The following SLC4A5 variants were observed in gnomAD, a reference collection of about 807,000 sequenced individuals.
SLC4A5 encodes the protein electrogenic sodium bicarbonate cotransporter 4.
A neutral mutation model predicts 120.4 loss-of-function variants in SLC4A5; 96 were observed. The observed-to-expected ratio is 0.80, with a 90% CI of 0.68 to 0.94. The LOEUF is 0.94. SLC4A5 is among the 40% of genes least tolerant of loss of function. The pLI is 0.00. For missense variants in SLC4A5, 1,259 were observed against 1,459.5 expected (o/e 0.86, Z 2.24); for synonymous variants, 550 against 571.1 (o/e 0.96, Z 0.53).
chr2:74,220,264 CATT>C lies in SLC4A5; in HGVS notation c.*33+1167_*33+1169del, dbSNP rs528720018. 1.2e-4 allele frequency among the ~76,000 whole-genome samples: 18 copies of C among 152,236 alleles called. No individual in the cohort carries two copies. The East Asian group carries it at 3.5e-3, about 29-fold the overall frequency. ...GGTGGCTTCTCATGAAGAACAATCA[CATT>C]GTTGGCATGGGGGCTCCTGGCAACT... is the stretch of plus-strand genomic sequence containing the variant. On this transcript the variant is annotated intron_variant, in intron 30 of 30. Coordinates refer to ENST00000394019, the Ensembl canonical transcript of SLC4A5.
At chr2:74,253,389 CT>C (rs1281639252) in intron 14 of SLC4A5, among the ~76,000 whole-genome samples, 1 of 152,194 alleles carries the variant, frequency 6.6e-6, no homozygotes, top group African/African-American at 2.4e-5. Context: ...GGTTAAGTTA[CT>C]TAACCTTTCT....
chr2:74,328,012 G>A (rs1184944951), intron 5 of SLC4A5, 108 bp downstream of exon 5: 1 of 452,884 alleles, frequency 2.2e-6, no homozygotes, highest in Non-Finnish European at 2.9e-6. Context: ...CCTCTTCAGT[G>A]TGTGTGAAGC....
At chr2:74,257,142 G>C (rs967517433) in intron 12 of SLC4A5, among the ~76,000 whole-genome samples, 1 of 151,980 alleles carries the variant, frequency 6.6e-6, no homozygotes, top group African/African-American at 2.4e-5. Context: ...TTCCCAATTC[G>C]ACTCATGTGG....
At chr2:74,270,475 C>T (rs920277598) in intron 8 of SLC4A5, among the ~76,000 whole-genome samples, 5 of 152,278 alleles carry the variant, frequency 3.3e-5, no homozygotes, top group African/African-American at 1.2e-4. Flanking sequence ...AGATCGAGAC[C>T]ATCCTGGCTA....
intron 7 of SLC4A5, among the ~76,000 whole-genome samples, chr2:74,299,244 G>A (rs1390873849): frequency 2.0e-5 from 3 of 152,092 alleles, no homozygotes; most frequent in African/African-American, 4.8e-5. Flanking sequence ...CCAGATACTC[G>A]GGAGGCTGAG....
intron 29 of SLC4A5, 72 bp downstream of exon 29, chr2:74,222,796 G>T: frequency 7.4e-7 from 1 of 1,343,894 alleles, no homozygotes; most frequent in Non-Finnish European, 1.1e-6. Context: ...CTGAGTTACA[G>T]ATGAAAGTTC....
intron 12 of SLC4A5, among the ~76,000 whole-genome samples, chr2:74,256,894 C>T (rs899081123): frequency 2.0e-5 from 3 of 152,144 alleles, no homozygotes; most frequent in Non-Finnish European, 4.4e-5. Context: ...AGTCCACAGT[C>T]GCTGACACAG....
intron 28 of SLC4A5, among the ~76,000 whole-genome samples, chr2:74,224,613 C>G (rs561836806): frequency 6.6e-6 from 1 of 152,180 alleles, no homozygotes; most frequent in African/African-American, 2.4e-5. Flanking sequence ...TCACCTTTTC[C>G]CTGGACAGGG....
At chr2:74,289,276 G>A (rs1303756044) in intron 7 of SLC4A5, among the ~76,000 whole-genome samples, 4 of 152,094 alleles carry the variant, frequency 2.6e-5, no homozygotes, top group African/African-American at 9.6e-5. Flanking sequence ...CAGAACTCAT[G>A]GACTCATGTA....
intron 30 of SLC4A5, 120 bp downstream of exon 30, chr2:74,221,314 G>A: frequency 1.5e-6 from 1 of 666,008 alleles, no homozygotes; most frequent in South Asian, 2.2e-5. Flanking sequence ...CCCAGTTGGG[G>A]GCCAGCAAGG....
At chr2:74,254,341 T>C (rs1187832820) in intron 14 of SLC4A5, among the ~76,000 whole-genome samples, 2 of 152,210 alleles carry the variant, frequency 1.3e-5, no homozygotes, top group African/African-American at 4.8e-5. Flanking sequence ...CTGCTCCTCC[T>C]TAGCTTTAAA....
At chr2:74,252,143 G>C in intron 16 of SLC4A5, 36 bp downstream of exon 16, 6 of 1,602,570 alleles carry the variant, frequency 3.7e-6, no homozygotes, top group Non-Finnish European at 5.1e-6. Flanking sequence ...GAAGTCTAAA[G>C]GACAGCAGGG....
intron 8 of SLC4A5, among the ~76,000 whole-genome samples, chr2:74,276,196 G>C (rs1671633888): frequency 6.6e-6 from 1 of 152,156 alleles, no homozygotes; most frequent in Non-Finnish European, 1.5e-5. Flanking sequence ...GGAAATAAAA[G>C]GACAGGGGAA....
intron 25 of SLC4A5, among the ~76,000 whole-genome samples, chr2:74,228,925 C>A (rs962977235): frequency 1.3e-5 from 2 of 152,112 alleles, no homozygotes; most frequent in African/African-American, 4.8e-5. Flanking sequence ...TCTCTCTCAG[C>A]TGTTTCTGCC....
At chr2:74,253,903 A>G (rs2103998771) in intron 14 of SLC4A5, among the ~76,000 whole-genome samples, 1 of 152,360 alleles carries the variant, frequency 6.6e-6, no homozygotes, top group South Asian at 2.1e-4. Context: ...ATTGAGAGTT[A>G]GTGTATTTTG....
At chr2:74,325,368 A>G (rs1673194513) in intron 5 of SLC4A5, among the ~76,000 whole-genome samples, 1 of 152,238 alleles carries the variant, frequency 6.6e-6, no homozygotes, top group African/African-American at 2.4e-5. Flanking sequence ...TGGACTAGCT[A>G]AGACCATTCC....
At chr2:74,226,374 T>C (rs1174024613) in intron 27 of SLC4A5, among the ~76,000 whole-genome samples, 4 of 152,198 alleles carry the variant, frequency 2.6e-5, no homozygotes, top group African/African-American at 9.7e-5. Context: ...ATGCAACATG[T>C]TGTTGGCTTT....
At chr2:74,232,495 C>T in exon 24 of SLC4A5, 1 of 1,614,014 alleles carries the variant, frequency 6.2e-7, no homozygotes, top group African/African-American at 1.3e-5. Context: ...GGGGCTGCTC[C>T]CCAGGGGCAC....
At position 74,338,095 on chromosome 2, in the gene SLC4A5, C is replaced by G. The variant is rs372994086; in HGVS notation, c.-221+760G>C. On this transcript the variant is annotated intron_variant, in intron 3 of 30. Coordinates refer to ENST00000394019, the Ensembl canonical transcript of SLC4A5. The stretch of plus-strand genomic sequence containing the variant: ...GTCAGGTGCTTGGTAGTTAATAGGA[C>G]AGTGGCGAGATCAGAGTAGAATGTT... Among the ~76,000 whole-genome samples, 50 of 152,216 alleles carry G rather than the reference C, an allele frequency of 3.3e-4. No homozygotes were observed. In the East Asian group the frequency reaches 4.6e-3, roughly 14 times the overall value.
Sources: gnomAD v4.1 joint callset for allele counts (sites outside exome capture counted in the v4.1 genomes callset) on GRCh38, gnomAD v4.1.1 for gene constraint, MANE v1.5 for transcripts, NCBI Gene and HGNC (gene_info 2026-07-23, HGNC 2026-07-21) for gene names.